Variants in PRKG1 observed in about 807,000 individuals in gnomAD.
The protein encoded by PRKG1 is protein kinase cGMP-dependent 1, also known as cGMP-dependent protein kinase 1.
PRKG1 carries 35 observed loss-of-function variants against 88.1 expected under a neutral mutation model. The ratio of observed to expected loss-of-function variants is 0.40; its 90% CI spans 0.30 to 0.53. The LOEUF is 0.53. PRKG1 is among the 20% of genes least tolerant of loss of function. The probability of loss-of-function intolerance (pLI) is 0.59; values close to 1 mark genes in which losing one functional copy is unlikely to be tolerated. For missense variants in PRKG1, 540 were observed against 839.8 expected, an observed-to-expected ratio of 0.64 and a Z score of 4.41; for synonymous variants, 303 against 292.5, an observed-to-expected ratio of 1.04 and a Z score of -0.37.
At chr10:51,628,528 T>C (rs1459263954) in intron 3 of PRKG1, among the ~76,000 whole-genome samples, 1 of 152,166 alleles carries the variant, frequency 6.6e-6, no homozygotes, top group Non-Finnish European at 1.5e-5. Flanking sequence ...ATAAAATAGC[T>C]CTGGTATATA....
chr10:51,142,872 A>T (rs1845853251), intron 1 of PRKG1, among the ~76,000 whole-genome samples: 1 of 152,110 alleles, frequency 6.6e-6, no homozygotes, highest in Admixed American at 6.5e-5. Flanking sequence ...AGATAACATC[A>T]TATGCTTTTA....
At position 51,377,601 on chromosome 10, in the gene PRKG1, T is replaced by G. The variant is rs372499614; in HGVS notation, c.479-90122T>G. Among the ~76,000 whole-genome samples the G allele has an allele frequency of 3.8e-3, 522 of 136,126 alleles. 2 individuals carry two copies. Among genetic ancestry groups the G allele is most frequent in the African/African-American group, 0.017 (494 of 29,060 alleles). The allele number at this position is 136,126 out of a possible 152,430, so 89.3% of individuals were successfully genotyped here. ...TTATGTGTGTTTATCCCACATGGTGTTTTTTTTTTCTAAATTCGTTGCTAA... is the reference window on the plus strand; with the variant it reads ...TTATGTGTGTTTATCCCACATGGTGGTTTTTTTTTCTAAATTCGTTGCTAA... On this transcript the variant is annotated intron_variant, in intron 2 of 17. Coordinates refer to ENST00000373980, the MANE Select transcript of PRKG1 (RefSeq NM_006258.4).
chr10:51,017,360 T>A (rs1843080570), intron 1 of PRKG1, among the ~76,000 whole-genome samples: 2 of 152,236 alleles, frequency 1.3e-5, no homozygotes, highest in Admixed American at 1.3e-4. Flanking sequence ...AAGTATCATA[T>A]CTTCATTCTC....
intron 3 of PRKG1, among the ~76,000 whole-genome samples, chr10:51,686,370 C>G (rs187916833): frequency 2.0e-5 from 3 of 152,092 alleles, no homozygotes; most frequent in Non-Finnish European, 4.4e-5. Context: ...GTTCGGCTCC[C>G]CCTTATAAGT....
At chr10:51,517,518 G>C (rs1458168771) in intron 3 of PRKG1, among the ~76,000 whole-genome samples, 1 of 152,186 alleles carries the variant, frequency 6.6e-6, no homozygotes, top group Non-Finnish European at 1.5e-5. Context: ...AGCTTAATCT[G>C]ATAGTGGTGC....
intron 3 of PRKG1, among the ~76,000 whole-genome samples, chr10:51,533,908 G>A (rs896317066): frequency 1.3e-5 from 2 of 152,138 alleles, no homozygotes; most frequent in East Asian, 1.9e-4. Flanking sequence ...TAGCTTAACC[G>A]TGATATTTCA....
intron 9 of PRKG1, among the ~76,000 whole-genome samples, chr10:52,228,174 G>C (rs558952587): frequency 6.6e-6 from 1 of 151,782 alleles, no homozygotes; most frequent in African/African-American, 2.4e-5. Context: ...ACCTTTCATC[G>C]TAATGCAATT....
intron 9 of PRKG1, among the ~76,000 whole-genome samples, chr10:52,216,171 T>C (rs187113741): frequency 2.8e-3 from 433 of 152,302 alleles, no homozygotes; most frequent in African/African-American, 9.3e-3. Flanking sequence ...AGATGGTTCT[T>C]TTGATCATTC....
intron 2 of PRKG1, among the ~76,000 whole-genome samples, chr10:51,237,419 A>G: frequency 6.6e-6 from 1 of 152,168 alleles, no homozygotes; most frequent in East Asian, 1.9e-4. Flanking sequence ...GCACATTTGC[A>G]TATCCAGTGG....
intron 7 of PRKG1, among the ~76,000 whole-genome samples, chr10:52,110,814 T>C (rs1177004391): frequency 6.6e-6 from 1 of 152,184 alleles, no homozygotes; most frequent in Non-Finnish European, 1.5e-5. Flanking sequence ...GTTGCTACTT[T>C]GTGTGACCAA....
intron 4 of PRKG1, among the ~76,000 whole-genome samples, chr10:51,812,699 C>T (rs541482515): frequency 2.6e-5 from 4 of 152,246 alleles, no homozygotes; most frequent in South Asian, 2.1e-4. Context: ...TTTCATGTCA[C>T]GAACCAATTC....
chr10:51,516,398 A>G (rs1340974529), intron 3 of PRKG1, among the ~76,000 whole-genome samples: 1 of 152,100 alleles, frequency 6.6e-6, no homozygotes, highest in Non-Finnish European at 1.5e-5. Context: ...AGTGGGCCAT[A>G]GACTGTTTTG....
At chr10:51,031,553 C>A (rs561293736) in intron 1 of PRKG1, among the ~76,000 whole-genome samples, 1 of 152,058 alleles carries the variant, frequency 6.6e-6, no homozygotes, top group Non-Finnish European at 1.5e-5. Context: ...AAGAAGGAAA[C>A]GTATTTATTG....
At chr10:52,021,144 T>C (rs938611857) in intron 5 of PRKG1, among the ~76,000 whole-genome samples, 5 of 152,300 alleles carry the variant, frequency 3.3e-5, no homozygotes, top group South Asian at 2.1e-4. Context: ...ATCAGAATGA[T>C]CTACAAATTC....
At chr10:51,875,939 CTTTTCTTTCTTTCT>C (rs1484391444) in intron 4 of PRKG1, among the ~76,000 whole-genome samples, 29 of 113,172 alleles carry the variant, frequency 2.6e-4, no homozygotes, top group East Asian at 1.9e-3. Context: ...TTATTCCTTT[CTTTTCTTTCTTTCT>C]TTTTTTTTTT....
chr10:51,633,764 T>G (rs531345595), intron 3 of PRKG1, among the ~76,000 whole-genome samples: 22 of 152,276 alleles, frequency 1.4e-4, no homozygotes, highest in African/African-American at 5.3e-4. Flanking sequence ...AATCCAGATT[T>G]TTAACATGAA....
intron 2 of PRKG1, among the ~76,000 whole-genome samples, chr10:51,267,407 G>C (rs538385566): frequency 1.3e-5 from 2 of 152,250 alleles, no homozygotes; most frequent in East Asian, 3.9e-4. Flanking sequence ...TACTACATAA[G>C]TAAAAATATT....
intron 2 of PRKG1, among the ~76,000 whole-genome samples, chr10:51,401,570 T>C (rs1228237489): frequency 6.6e-6 from 1 of 152,232 alleles, no homozygotes; most frequent in Non-Finnish European, 1.5e-5. Context: ...GGAAAAGTTG[T>C]TAAGCATTTT....
At chr10:51,591,648 G>A (rs1188204982) in intron 3 of PRKG1, among the ~76,000 whole-genome samples, 1 of 152,176 alleles carries the variant, frequency 6.6e-6, no homozygotes, top group Non-Finnish European at 1.5e-5. Flanking sequence ...AATGAAGGCT[G>A]TGGGGGTTGT....
Sources: allele counts gnomAD v4.1 joint callset (sites outside exome capture counted in the v4.1 genomes callset), GRCh38; gene constraint gnomAD v4.1.1; transcripts MANE v1.5; gene names NCBI Gene and HGNC (gene_info 2026-07-23, HGNC 2026-07-21).